The following LRP1B variants were observed in gnomAD, a reference collection of about 807,000 sequenced individuals.
The protein encoded by LRP1B is low-density lipoprotein receptor-related protein 1B.
A neutral mutation model predicts 556.6 loss-of-function variants in LRP1B; 217 were observed. The ratio of observed to expected loss-of-function variants is 0.39; its 90% CI spans 0.35 to 0.44. The LOEUF is 0.44. LRP1B is among the 20% of genes least tolerant of loss of function. The pLI is 1.00. For missense variants in LRP1B, 5,053 were observed against 5,620.8 expected, an observed-to-expected ratio of 0.90 and a Z score of 3.23; for synonymous variants, 2,047 against 1,865.8, an observed-to-expected ratio of 1.10 and a Z score of -2.50.
At chr2:140,367,072 C>G (rs1326916351) in intron 71 of LRP1B, among the ~76,000 whole-genome samples, 1 of 151,484 alleles carries the variant, frequency 6.6e-6, no homozygotes, top group Admixed American at 6.6e-5. Flanking sequence ...AGGAGGAAAG[C>G]CTGAGGACAG....
At chr2:140,939,036 G>C (rs1314017199) in intron 20 of LRP1B, among the ~76,000 whole-genome samples, 1 of 151,820 alleles carries the variant, frequency 6.6e-6, no homozygotes, top group East Asian at 1.9e-4. Context: ...GTACAAACTC[G>C]ATTGATATGA....
chr2:141,048,388 GT>G lies in LRP1B; in HGVS notation c.1789+597del, dbSNP rs1236246463. 2.6e-5 allele frequency among the ~76,000 whole-genome samples: 4 copies of G among 151,930 alleles called. No homozygotes were observed. In the East Asian group the frequency reaches 7.8e-4, roughly 30 times the overall value. ...GCCAAATAATTTATAATATACATTGGTTTTATTAAAATATATCTCTATCTGT... is the reference window on the plus strand; with the variant it reads ...GCCAAATAATTTATAATATACATTGGTTTATTAAAATATATCTCTATCTGT... On this transcript the variant is annotated intron_variant, in intron 11 of 90. Coordinates refer to ENST00000389484, the MANE Select transcript of LRP1B (RefSeq NM_018557.3).
At chr2:140,544,019 A>G (rs1338193510) in intron 43 of LRP1B, among the ~76,000 whole-genome samples, 2 of 152,110 alleles carry the variant, frequency 1.3e-5, no homozygotes, top group African/African-American at 4.8e-5. Context: ...AAAATCCTAA[A>G]TAAAGAGACG....
At chr2:141,858,662 GAAC>G in intron 1 of LRP1B, among the ~76,000 whole-genome samples, 1 of 148,420 alleles carries the variant, frequency 6.7e-6, no homozygotes, top group Non-Finnish European at 1.5e-5. Context: ...ATAAGAATAA[GAAC>G]AACAATACTA....
At chr2:141,654,348 T>C (rs1689918591) in intron 2 of LRP1B, among the ~76,000 whole-genome samples, 1 of 152,054 alleles carries the variant, frequency 6.6e-6, no homozygotes, top group African/African-American at 2.4e-5. Flanking sequence ...TTCAAGGGAG[T>C]ACTGTCTTGA....
intron 2 of LRP1B, among the ~76,000 whole-genome samples, chr2:141,571,388 C>A (rs955901285): frequency 1.4e-5 from 2 of 140,844 alleles, no homozygotes; most frequent in Non-Finnish European, 3.3e-5. Flanking sequence ...ACAACAACAA[C>A]AAAAAATGCC....
In LRP1B at chr2:141,659,754, A is replaced by G. The variant is rs145652384; in HGVS notation, c.205+150525T>C. Among the ~76,000 whole-genome samples, 455 of 152,264 alleles carry G rather than the reference A, an allele frequency of 3.0e-3. 1 individual carries two copies. The highest frequency in any genetic ancestry group is 0.01 in the African/African-American group (418 of 41,554). On this transcript the variant is annotated intron_variant, in intron 2 of 90. Transcript: ENST00000389484. ...ATTAAAGCCAAGAATAGAAGGGATC[A>G]ATTTACCTTTCTGAGTTTCTTTTGC...
chr2:141,448,016 G>A (rs1348642358), intron 3 of LRP1B, among the ~76,000 whole-genome samples: 4 of 152,196 alleles, frequency 2.6e-5, no homozygotes, highest in African/African-American at 7.2e-5. Context: ...TGCATCCACA[G>A]CTGCCCCTTG....
intron 33 of LRP1B, among the ~76,000 whole-genome samples, chr2:140,771,284 T>A (rs1230267871): frequency 2.6e-5 from 4 of 152,154 alleles, no homozygotes; most frequent in African/African-American, 7.2e-5. Context: ...TTCATAGACC[T>A]TTGTAATATT....
intron 41 of LRP1B, among the ~76,000 whole-genome samples, chr2:140,616,970 A>G (rs897063008): frequency 2.6e-5 from 4 of 151,898 alleles, no homozygotes; most frequent in Non-Finnish European, 2.9e-5. Context: ...TTAAATAACA[A>G]TCATAGTTAA....
intron 1 of LRP1B, among the ~76,000 whole-genome samples, chr2:142,010,902 G>T (rs773663486): frequency 5.9e-5 from 9 of 152,132 alleles, no homozygotes; most frequent in Non-Finnish European, 1.3e-4. Flanking sequence ...CACCAGGAAG[G>T]TTCAATTATG....
At chr2:140,454,302 C>G (rs188394792) in intron 62 of LRP1B, among the ~76,000 whole-genome samples, 45 of 152,146 alleles carry the variant, frequency 3.0e-4, no homozygotes, top group Admixed American at 4.6e-4. Flanking sequence ...GTCCTTGCCA[C>G]CATGCCCAGC....
At chr2:140,783,755 G>T (rs1210223607) in intron 32 of LRP1B, among the ~76,000 whole-genome samples, 1 of 152,098 alleles carries the variant, frequency 6.6e-6, no homozygotes, top group Admixed American at 6.5e-5. Context: ...TTAAAAAAGT[G>T]GTTAGAATCC....
intron 41 of LRP1B, among the ~76,000 whole-genome samples, chr2:140,655,899 C>A (rs1684863756): frequency 6.6e-6 from 1 of 150,594 alleles, no homozygotes; most frequent in Non-Finnish European, 1.5e-5. Flanking sequence ...GACGAGATCC[C>A]GCCACTGCAC....
At chr2:140,343,842 C>A (rs998531457) in intron 77 of LRP1B, among the ~76,000 whole-genome samples, 1 of 151,664 alleles carries the variant, frequency 6.6e-6, no homozygotes, top group Admixed American at 6.6e-5. Context: ...AGGGTACTTA[C>A]TATATACATA....
intron 2 of LRP1B, among the ~76,000 whole-genome samples, chr2:141,571,393 A>T (rs1686523619): frequency 6.6e-6 from 1 of 151,320 alleles, no homozygotes; most frequent in Non-Finnish European, 1.5e-5. Flanking sequence ...AACAACAAAA[A>T]ATGCCCCAAC....
intron 60 of LRP1B, among the ~76,000 whole-genome samples, chr2:140,457,976 G>A (rs539243780): frequency 2.2e-4 from 33 of 152,098 alleles, no homozygotes; most frequent in African/African-American, 7.2e-4. Context: ...ATGTGTGTGT[G>A]TGTGTATGTG....
chr2:140,941,218 C>A (rs367933902), intron 20 of LRP1B, among the ~76,000 whole-genome samples: 1 of 152,040 alleles, frequency 6.6e-6, no homozygotes, highest in African/African-American at 2.4e-5. Context: ...AAAAATGGAT[C>A]ATCACTATAG....
intron 66 of LRP1B, among the ~76,000 whole-genome samples, chr2:140,405,657 T>C (rs540125471): frequency 2.0e-5 from 3 of 152,090 alleles, no homozygotes; most frequent in East Asian, 3.9e-4. Context: ...CAGGAAGAAA[T>C]AGAAACCCTG....
Sources: allele counts gnomAD v4.1 joint callset (sites outside exome capture counted in the v4.1 genomes callset), GRCh38; gene constraint gnomAD v4.1.1; transcripts MANE v1.5; gene names NCBI Gene and HGNC (gene_info 2026-07-23, HGNC 2026-07-21).